The following TSHZ3 variants were observed in gnomAD, a reference collection of about 807,000 sequenced individuals.
The protein encoded by TSHZ3 is teashirt zinc finger homeobox 3.
In TSHZ3, 10 loss-of-function variants were observed where a neutral mutation model predicts 64.5. The ratio of observed to expected loss-of-function variants is 0.16; its 90% CI spans 0.10 to 0.26. The LOEUF (loss-of-function observed/expected upper bound fraction) is 0.26. TSHZ3 is among the 10% of genes least tolerant of loss of function. TSHZ3 has a pLI of 1.00. For missense variants in TSHZ3, 1,242 were observed against 1,421.7 expected (o/e 0.87, Z 2.03); for synonymous variants, 608 against 593.1 (o/e 1.03, Z -0.36).
intron 5 of TSHZ3, among the ~76,000 whole-genome samples, chr19:31,160,022 T>C (rs1313513611): frequency 1.3e-5 from 2 of 152,150 alleles, no homozygotes; most frequent in African/African-American, 2.4e-5. Flanking sequence ...AAAAACACAC[T>C]TCCCCCTGGA....
At chr19:31,152,918 G>A (rs1457796420) in intron 6 of TSHZ3, among the ~76,000 whole-genome samples, 1 of 152,160 alleles carries the variant, frequency 6.6e-6, no homozygotes, top group African/African-American at 2.4e-5. Flanking sequence ...GGACCACACA[G>A]TGCAAGTATT....
intron 1 of TSHZ3, among the ~76,000 whole-genome samples, chr19:31,258,727 T>C (rs1474906130): frequency 6.6e-6 from 1 of 152,210 alleles, no homozygotes; most frequent in African/African-American, 2.4e-5. Flanking sequence ...ATGCCTGAGA[T>C]TCTCGGAGAC....
upstream of TSHZ3, among the ~76,000 whole-genome samples, chr19:31,349,871 T>G (rs929233214): frequency 7.1e-6 from 1 of 141,274 alleles, no homozygotes; most frequent in South Asian, 2.4e-4. Flanking sequence ...AAGGAGATGA[T>G]CGTGTCAATC....
intron 1 of TSHZ3, among the ~76,000 whole-genome samples, chr19:31,325,986 T>C (rs1332799314): frequency 1.3e-5 from 2 of 152,242 alleles, no homozygotes; most frequent in African/African-American, 4.8e-5. Context: ...ATTTTGCCTG[T>C]ACACCCATCA....
intron 6 of TSHZ3, among the ~76,000 whole-genome samples, chr19:31,153,460 G>C (rs1974266160): frequency 6.6e-6 from 1 of 152,198 alleles, no homozygotes; most frequent in African/African-American, 2.4e-5. Flanking sequence ...GGCAGAATAA[G>C]AAACTCTATG....
intron 4 of TSHZ3, among the ~76,000 whole-genome samples, chr19:31,217,088 C>G (rs577290629): frequency 1.3e-5 from 2 of 152,144 alleles, no homozygotes; most frequent in South Asian, 4.1e-4. Flanking sequence ...CATTAACCAC[C>G]GCACCCCGCC....
intron 1 of TSHZ3, among the ~76,000 whole-genome samples, chr19:31,314,378 C>A (rs895538690): frequency 6.6e-6 from 1 of 152,200 alleles, no homozygotes; most frequent in Admixed American, 6.5e-5. Flanking sequence ...ACATGGGCAG[C>A]GGCCGGAACC....
intron 3 of TSHZ3, among the ~76,000 whole-genome samples, chr19:31,229,533 A>G (rs750678626): frequency 1.3e-5 from 2 of 152,234 alleles, no homozygotes; most frequent in Non-Finnish European, 2.9e-5. Flanking sequence ...TATACAAATG[A>G]ACTAGAAGGA....
In TSHZ3 at chr19:31,278,347, G is replaced by A. The variant is rs745403920; in HGVS notation, c.1446C>T (p.Asp482=). Residue 482 remains aspartate, a synonymous_variant, in exon 2 of 2, where the codon GAC becomes GAT. Transcript: ENST00000240587. The surrounding 1 kb of genome is among the most constrained non-coding windows in gnomAD (Gnocchi z 4.7). ...KEVDKEKAVT[D]EKPKQKDKPG... ...GCTTGTCTTTTTGCTTAGGTTTCTCGTCAGTGACCGCTTTCTCCTTGTCGA... is the reference window on the plus strand; with the variant it reads ...GCTTGTCTTTTTGCTTAGGTTTCTCATCAGTGACCGCTTTCTCCTTGTCGA... 3.8e-5 allele frequency: 61 copies of A among 1,614,118 alleles called. 1 individual carries two copies. In the African/African-American group the frequency reaches 4.3e-4, roughly 11 times the overall value.
intron 5 of TSHZ3, among the ~76,000 whole-genome samples, chr19:31,192,640 A>T (rs1324490370): frequency 6.6e-6 from 1 of 152,132 alleles, no homozygotes; most frequent in South Asian, 2.1e-4. Context: ...ATCATCCAAC[A>T]TTGTTTTGGG....
chr19:31,243,727 G>C (rs370148972), intron 1 of TSHZ3, among the ~76,000 whole-genome samples: 3 of 152,224 alleles, frequency 2.0e-5, no homozygotes, highest in African/African-American at 7.2e-5. Flanking sequence ...GGGGAGCAGC[G>C]GAGTGGTGTT....
At chr19:31,232,940 G>A (rs1212894571) in intron 3 of TSHZ3, among the ~76,000 whole-genome samples, 5 of 152,166 alleles carry the variant, frequency 3.3e-5, no homozygotes, top group Admixed American at 6.5e-5. Flanking sequence ...TGGTCTAAAT[G>A]TATTATAGTT....
intron 5 of TSHZ3, among the ~76,000 whole-genome samples, chr19:31,177,171 T>C (rs1202002432): frequency 6.6e-6 from 1 of 152,188 alleles, no homozygotes; most frequent in Non-Finnish European, 1.5e-5. Flanking sequence ...TATCCAAGAA[T>C]CCATCAGCAG....
chr19:31,321,802 G>GT (rs1388763987), intron 1 of TSHZ3, among the ~76,000 whole-genome samples: 1 of 151,918 alleles, frequency 6.6e-6, no homozygotes, highest in Non-Finnish European at 1.5e-5. Context: ...TTATGTATGA[G>GT]TAAACGCATT....
intron 3 of TSHZ3, among the ~76,000 whole-genome samples, chr19:31,232,729 C>G (rs530821266): frequency 6.6e-6 from 1 of 152,292 alleles, no homozygotes; most frequent in Non-Finnish European, 1.5e-5. Flanking sequence ...ACCCCCTGCT[C>G]CAGTTAACCG....
At position 31,287,303 on chromosome 19, in the gene TSHZ3, C is replaced by T. The variant is rs886584841; in HGVS notation, c.41-7551G>A. On this transcript the variant is annotated intron_variant, in intron 1 of 1. Transcript: ENST00000240587. ...TCTGAAGTTATAACCCTCCGTTTCCCCTGGGAAGGTGCTTTGCTGGCTAAA... is the reference window on the plus strand; with the variant it reads ...TCTGAAGTTATAACCCTCCGTTTCCTCTGGGAAGGTGCTTTGCTGGCTAAA... Among the ~76,000 whole-genome samples, 4 of 152,178 alleles carry T rather than the reference C, an allele frequency of 2.6e-5. No individual in the cohort carries two copies. The East Asian group carries it at 7.7e-4, about 29-fold the overall frequency.
chr19:31,275,958 T>A lies in TSHZ3; in HGVS notation c.*589A>T, dbSNP rs914226302. 6 of 152,594 alleles carry A rather than the reference T, an allele frequency of 3.9e-5. No individual in the cohort carries two copies. Among genetic ancestry groups the A allele is most frequent in the African/African-American group, 1.4e-4 (6 of 41,436 alleles). The allele number at this position is 152,594 out of a possible 1,614,324, so 9.5% of individuals were successfully genotyped here. ...AAGAGAGTCTGAAATCTATACAATA[T>A]ATACATCTATGTTTCAATGTGAAAA... On this transcript the variant is annotated 3_prime_UTR_variant, in exon 2 of 2. Coordinates refer to ENST00000240587, the MANE Select transcript of TSHZ3 (RefSeq NM_020856.4).
At chr19:31,283,778 C>T (rs1258423379) in intron 1 of TSHZ3, among the ~76,000 whole-genome samples, 1 of 152,242 alleles carries the variant, frequency 6.6e-6, no homozygotes. Context: ...GTGCTTTCTT[C>T]TCTAGACTGA....
chr19:31,338,581 C>CTTTTTTTTTTTT (rs34643581), intron 1 of TSHZ3, among the ~76,000 whole-genome samples: 31 of 119,052 alleles, frequency 2.6e-4, no homozygotes, highest in Non-Finnish European at 4.4e-4. Flanking sequence ...TTTTTTTTTT[C>CTTTTTTTTTTTT]TTTTTTTTTT....
Sources: allele counts gnomAD v4.1 joint callset (sites outside exome capture counted in the v4.1 genomes callset), GRCh38; gene constraint gnomAD v4.1.1; non-coding constraint Gnocchi (gnomAD v3.1); transcripts MANE v1.5; gene names NCBI Gene and HGNC (gene_info 2026-07-23, HGNC 2026-07-21).